NFASC: variants seen among roughly 807,000 people sequenced by gnomAD.
The protein encoded by NFASC is neurofascin.
Under a neutral mutation model 147.5 loss-of-function variants are expected in NFASC, and 43 were observed. That is an observed-to-expected ratio of 0.29 (90% confidence interval 0.23 to 0.38). The LOEUF (loss-of-function observed/expected upper bound fraction) is 0.38. Ranked by LOEUF, NFASC falls within the 10% of genes least tolerant of loss-of-function variation. The pLI is 1.00. For missense variants in NFASC, 1,320 were observed against 1,689.0 expected (o/e 0.78, Z 3.83); for synonymous variants, 622 against 665.5 (o/e 0.93, Z 1.01).
Position 204,986,394 on chromosome 1 carries a change from C to T in NFASC, c.2471-1024C>T, listed in dbSNP as rs1222389168. Reference sequence around the variant, plus strand: ...TGCAGACTGATCCCCGAGGGCACGGCGGGCACCTGGGCCACCCCACCACCT... The same window carrying T: ...TGCAGACTGATCCCCGAGGGCACGGTGGGCACCTGGGCCACCCCACCACCT... On this transcript the variant is annotated intron_variant, in intron 21 of 29. Coordinates refer to ENST00000339876, the MANE Select transcript of NFASC (RefSeq NM_001005388.3). The surrounding 1 kb of genome is among the most constrained non-coding windows in gnomAD (Gnocchi z 4.2). Among the ~76,000 whole-genome samples, 2 of 152,328 alleles carry T rather than the reference C, an allele frequency of 1.3e-5. No individual in the cohort carries two copies. The highest frequency in any genetic ancestry group is 1.9e-4 in the East Asian group (1 of 5,190).
chr1:204,956,253 A>G (rs1016274016), intron 7 of NFASC, among the ~76,000 whole-genome samples: 2 of 152,200 alleles, frequency 1.3e-5, no homozygotes, highest in African/African-American at 2.4e-5. Flanking sequence ...AGTTTCATTC[A>G]TCTGCTTAAA....
intron 2 of NFASC, among the ~76,000 whole-genome samples, chr1:204,936,687 C>T (rs1319236180): frequency 6.6e-6 from 1 of 152,194 alleles, no homozygotes; most frequent in Non-Finnish European, 1.5e-5. Context: ...ACCTGGCCTC[C>T]CCACTTCCAC....
At position 204,954,323 on chromosome 1, in the gene NFASC, G is replaced by A. The variant is rs1206893798; in HGVS notation, c.351G>A (p.Gln117=). 2 of 1,614,204 alleles carry A rather than the reference G, an allele frequency of 1.2e-6. No individual in the cohort carries two copies. Among genetic ancestry groups the A allele is most frequent in the Non-Finnish European group, 1.7e-6 (2 of 1,180,038 alleles). Residue 117 remains glutamine, a synonymous_variant, in exon 6 of 30, where the codon CAG becomes CAA. Coordinates refer to ENST00000339876, the MANE Select transcript of NFASC (RefSeq NM_001005388.3). This position sits in a 1 kb window ranked among gnomAD's most constrained non-coding sequence, Gnocchi z 5.7. ...GRPEEYEGEY[Q]CFARNKFGTA... The stretch of plus-strand genomic sequence containing the variant: ...CGGAGGAATATGAGGGGGAATATCA[G>A]TGCTTCGCCCGCAACAAATTTGGCA...
chr1:204,921,934 T>C (rs2090567871), intron 2 of NFASC, among the ~76,000 whole-genome samples: 1 of 152,090 alleles, frequency 6.6e-6, no homozygotes, highest in Non-Finnish European at 1.5e-5. Context: ...ACCTGGGAAA[T>C]TCCTCTGACC....
intron 8 of NFASC, among the ~76,000 whole-genome samples, chr1:204,960,888 G>A (rs1001628317): frequency 3.3e-5 from 5 of 152,136 alleles, no homozygotes; most frequent in African/African-American, 1.2e-4. Context: ...CTTCCTACCA[G>A]GTGGCAAGCA....
intron 2 of NFASC, among the ~76,000 whole-genome samples, chr1:204,928,630 A>G (rs1185217821): frequency 6.6e-6 from 1 of 152,238 alleles, no homozygotes; most frequent in Non-Finnish European, 1.5e-5. Flanking sequence ...GAAAATAAAG[A>G]AAAACAACTT....
chr1:204,921,047 C>T (rs1038319892), intron 2 of NFASC, among the ~76,000 whole-genome samples: 2 of 152,214 alleles, frequency 1.3e-5, no homozygotes, highest in African/African-American at 2.4e-5. Flanking sequence ...TGGGAAACAA[C>T]TTTGTGACCC....
chr1:204,876,120 G>GT (rs1278012197), intron 1 of NFASC, among the ~76,000 whole-genome samples: 1 of 152,106 alleles, frequency 6.6e-6, no homozygotes, highest in Non-Finnish European at 1.5e-5. Flanking sequence ...TTCATTTTTG[G>GT]TTTTTTCTCA....
At chr1:204,867,998 C>T (rs1452494948) in intron 1 of NFASC, among the ~76,000 whole-genome samples, 1 of 152,252 alleles carries the variant, frequency 6.6e-6, no homozygotes, top group Non-Finnish European at 1.5e-5. Context: ...TTTCTAAGCT[C>T]CTCTGACAGG....
At chr1:204,886,190 G>A (rs1158498803) in intron 1 of NFASC, among the ~76,000 whole-genome samples, 1 of 152,014 alleles carries the variant, frequency 6.6e-6, no homozygotes, top group Non-Finnish European at 1.5e-5. Flanking sequence ...CTCAGCAGTC[G>A]GTTCCAAATA....
At chr1:204,962,673 T>C (rs2094738254) in intron 8 of NFASC, among the ~76,000 whole-genome samples, 1 of 152,206 alleles carries the variant, frequency 6.6e-6, no homozygotes, top group Non-Finnish European at 1.5e-5. Flanking sequence ...CCCGTGTCTC[T>C]TTAAAATCCA....
At chr1:204,922,686 A>G (rs1172336451) in intron 2 of NFASC, among the ~76,000 whole-genome samples, 1 of 152,156 alleles carries the variant, frequency 6.6e-6, no homozygotes, top group African/African-American at 2.4e-5. Context: ...GTGATATCAC[A>G]CTGCCTCCTC....
intron 1 of NFASC, among the ~76,000 whole-genome samples, chr1:204,906,065 T>C (rs190877715): frequency 3.3e-5 from 5 of 152,318 alleles, no homozygotes; most frequent in East Asian, 1.9e-4. Flanking sequence ...GTTGGATTGT[T>C]TATCCTCTTA....
intron 1 of NFASC, among the ~76,000 whole-genome samples, chr1:204,877,029 A>AT: frequency 1.2e-5 from 1 of 83,054 alleles, no homozygotes; most frequent in African/African-American, 7.2e-5. Flanking sequence ...TATATATATA[A>AT]TATATATTTA....
At chr1:205,009,390 T>C (rs1445617792) in intron 27 of NFASC, 167 bp from the exon 28 acceptor site, 2 of 789,622 alleles carry the variant, frequency 2.5e-6, no homozygotes, top group South Asian at 2.7e-5. Flanking sequence ...AATTATTTTC[T>C]TTTTGTCCTT....
At chr1:204,884,571 G>C (rs904010141) in intron 1 of NFASC, among the ~76,000 whole-genome samples, 2 of 152,044 alleles carry the variant, frequency 1.3e-5, no homozygotes, top group African/African-American at 4.8e-5. Context: ...TGGAGTCCAG[G>C]ACACCTAGAT....
chr1:204,962,180 G>A, intron 8 of NFASC: 1 of 1,606,372 alleles, frequency 6.2e-7, no homozygotes, highest in Non-Finnish European at 8.5e-7. Flanking sequence ...CGGTAACCTT[G>A]GGAGTAACCT....
Position 204,988,796 on chromosome 1 carries a change from C to T in NFASC, c.2757C>T (p.Pro919=), listed in dbSNP as rs1558387713. 1 of 1,613,984 alleles carries T rather than the reference C, an allele frequency of 6.2e-7. No individual in the cohort carries two copies. The highest frequency in any genetic ancestry group is 1.7e-5 in the Admixed American group (1 of 60,020). The change falls in exon 23 of 30, where the codon CCC becomes CCT. Residue 919 remains proline (P), a synonymous_variant. Coordinates refer to ENST00000339876, the MANE Select transcript of NFASC (RefSeq NM_001005388.3). The part of the protein sequence containing the change: ...GEAVTEESPA[P]PNEATPTAAP... ...CCGTCACAGAGGAGTCACCAGCACC[C>T]CCGAATGAAGGTAGGTGCATGGCAG... is the stretch of plus-strand genomic sequence containing the variant.
intron 1 of NFASC, among the ~76,000 whole-genome samples, chr1:204,896,728 A>C (rs1054288148): frequency 3.3e-5 from 5 of 152,228 alleles, no homozygotes; most frequent in Admixed American, 6.5e-5. Context: ...TTTTTGACCC[A>C]AGAAACTATA....
Sources: allele counts gnomAD v4.1 joint callset (sites outside exome capture counted in the v4.1 genomes callset), GRCh38; gene constraint gnomAD v4.1.1; non-coding constraint Gnocchi (gnomAD v3.1); transcripts MANE v1.5; gene names NCBI Gene and HGNC (gene_info 2026-07-23, HGNC 2026-07-21).